Variants in RPS6KC1 observed in about 807,000 individuals in gnomAD.
RPS6KC1 encodes ribosomal protein S6 kinase C1.
Under a neutral mutation model 103.8 loss-of-function variants are expected in RPS6KC1, and 54 were observed. The ratio of observed to expected loss-of-function variants is 0.52; its 90% CI spans 0.42 to 0.65. RPS6KC1 has a LOEUF of 0.65. Ranked by LOEUF, RPS6KC1 falls within the 30% of genes least tolerant of loss-of-function variation. RPS6KC1 has a pLI of 0.00. For missense variants in RPS6KC1, 1,151 were observed against 1,253.8 expected (o/e 0.92, Z 1.24); for synonymous variants, 439 against 438.7 (o/e 1.00, Z -0.01).
chr1:213,802,550 A>G, the RPS6KC1 span, among the ~76,000 whole-genome samples: 2 of 152,224 alleles, frequency 1.3e-5, no homozygotes, highest in African/African-American at 4.8e-5. Flanking sequence ...ACAGATCTGC[A>G]TCTCATTTTT....
At chr1:213,176,687 A>C (rs978280947) in intron 8 of RPS6KC1, 195 bp downstream of exon 8, 2 of 388,804 alleles carry the variant, frequency 5.1e-6, no homozygotes, top group Admixed American at 7.2e-5. Flanking sequence ...TGCAAAATAT[A>C]TTTGAGCTAA....
chr1:213,628,871 G>C, the RPS6KC1 span, among the ~76,000 whole-genome samples: 1 of 152,192 alleles, frequency 6.6e-6, no homozygotes, highest in African/African-American at 2.4e-5. Flanking sequence ...AGGTTGCTCA[G>C]TTTCCATGGA....
At chr1:213,726,586 A>C in the RPS6KC1 span, among the ~76,000 whole-genome samples, 2 of 151,918 alleles carry the variant, frequency 1.3e-5, no homozygotes, top group East Asian at 3.9e-4. Flanking sequence ...TTGTTCAACT[A>C]AGTAATAAAA....
chr1:213,464,620 C>T, the RPS6KC1 span, among the ~76,000 whole-genome samples: 1 of 151,898 alleles, frequency 6.6e-6, no homozygotes, highest in Non-Finnish European at 1.5e-5. Context: ...ATTTATTTTT[C>T]CTTTTCTAGA....
the RPS6KC1 span, among the ~76,000 whole-genome samples, chr1:213,812,573 C>A: frequency 6.6e-6 from 1 of 152,142 alleles, no homozygotes; most frequent in Admixed American, 6.5e-5. Context: ...TGTTAAAGCC[C>A]TTTTAAAGAC....
At chr1:213,143,813 T>C (rs2087381697) in intron 6 of RPS6KC1, among the ~76,000 whole-genome samples, 1 of 151,538 alleles carries the variant, frequency 6.6e-6, no homozygotes, top group Admixed American at 6.6e-5. Context: ...AATCAAGGTG[T>C]GAGCAGCACC....
At chr1:213,436,984 G>A in the RPS6KC1 span, among the ~76,000 whole-genome samples, 1 of 152,002 alleles carries the variant, frequency 6.6e-6, no homozygotes, top group African/African-American at 2.4e-5. Flanking sequence ...TCTGTAGACT[G>A]TTTATATCTT....
intron 7 of RPS6KC1, among the ~76,000 whole-genome samples, chr1:213,170,553 G>A (rs2091392320): frequency 6.6e-6 from 1 of 152,220 alleles, no homozygotes; most frequent in Admixed American, 6.5e-5. Flanking sequence ...ACTGGTAAGA[G>A]CCATCCTAAT....
At chr1:213,096,279 G>C (rs990788344) in intron 3 of RPS6KC1, among the ~76,000 whole-genome samples, 2 of 152,238 alleles carry the variant, frequency 1.3e-5, no homozygotes, top group African/African-American at 4.8e-5. Context: ...ACGTCTTCAG[G>C]CTCCTCTTCC....
the RPS6KC1 span, among the ~76,000 whole-genome samples, chr1:213,831,790 G>A: frequency 3.9e-5 from 6 of 152,234 alleles, no homozygotes; most frequent in Non-Finnish European, 8.8e-5. Flanking sequence ...AGAATCATTT[G>A]GATATGTGGA....
the RPS6KC1 span, among the ~76,000 whole-genome samples, chr1:213,481,249 A>G: frequency 1.3e-5 from 2 of 152,216 alleles, no homozygotes; most frequent in African/African-American, 4.8e-5. Flanking sequence ...CTTTGAAACT[A>G]TTATCTAGAG....
At chr1:213,080,235 A>G (rs940209993) in intron 3 of RPS6KC1, among the ~76,000 whole-genome samples, 3 of 151,962 alleles carry the variant, frequency 2.0e-5, no homozygotes, top group African/African-American at 7.2e-5. Context: ...TCTTGATTTA[A>G]CAACTTTTAC....
At chr1:213,209,814 A>AC (rs1432234769) in intron 8 of RPS6KC1, among the ~76,000 whole-genome samples, 1 of 151,974 alleles carries the variant, frequency 6.6e-6, no homozygotes, top group Non-Finnish European at 1.5e-5. Context: ...TAGAAACTGA[A>AC]CAAGGGGTAG....
chr1:213,824,048 C>T, the RPS6KC1 span, among the ~76,000 whole-genome samples: 21 of 152,202 alleles, frequency 1.4e-4, no homozygotes, highest in African/African-American at 5.1e-4. Flanking sequence ...AAGTCCCAGT[C>T]TCCTACTGTC....
the RPS6KC1 span, among the ~76,000 whole-genome samples, chr1:213,301,053 C>G: frequency 1.3e-5 from 2 of 152,134 alleles, no homozygotes; most frequent in Non-Finnish European, 2.9e-5. Context: ...ATGTCAGGGG[C>G]GCCCCCTCTA....
chr1:213,191,186 G>C (rs1218999529), intron 8 of RPS6KC1, among the ~76,000 whole-genome samples: 1 of 152,122 alleles, frequency 6.6e-6, no homozygotes, highest in African/African-American at 2.4e-5. Flanking sequence ...TGTGAGGAAT[G>C]CCATTAGTAT....
the RPS6KC1 span, among the ~76,000 whole-genome samples, chr1:213,815,351 A>G: frequency 6.6e-6 from 1 of 152,222 alleles, no homozygotes; most frequent in African/African-American, 2.4e-5. Flanking sequence ...GTTAATAAAC[A>G]AAACAAACTA....
chr1:213,831,237 G>C, the RPS6KC1 span, among the ~76,000 whole-genome samples: 1 of 152,182 alleles, frequency 6.6e-6, no homozygotes, highest in African/African-American at 2.4e-5. Flanking sequence ...ATGGAAAAAG[G>C]GACTTTACAG....
chr1:213,538,066 G>A, the RPS6KC1 span, among the ~76,000 whole-genome samples: 1 of 152,162 alleles, frequency 6.6e-6, no homozygotes, highest in Non-Finnish European at 1.5e-5. Flanking sequence ...GGAACTCCCA[G>A]GAGTCTTTCC....
Sources: gnomAD v4.1 joint callset for allele counts (sites outside exome capture counted in the v4.1 genomes callset) on GRCh38, gnomAD v4.1.1 for gene constraint, MANE v1.5 for transcripts, NCBI Gene and HGNC (gene_info 2026-07-23, HGNC 2026-07-21) for gene names.